NEDD1: variants seen among roughly 807,000 people sequenced by gnomAD.
NEDD1 encodes the protein NEDD1 gamma-tubulin ring complex targeting factor.
Under a neutral mutation model 74.0 loss-of-function variants are expected in NEDD1, and 33 were observed. The ratio of observed to expected loss-of-function variants is 0.45; its 90% confidence interval spans 0.34 to 0.60. The LOEUF (loss-of-function observed/expected upper bound fraction) is 0.60. Among genes scored for constraint, NEDD1 ranks in the 20% least tolerant of loss-of-function variants. The pLI is 0.01. For missense variants in NEDD1, 746 were observed against 776.5 expected, an observed-to-expected ratio of 0.96 and a Z score of 0.47; for synonymous variants, 250 against 264.4, an observed-to-expected ratio of 0.95 and a Z score of 0.53.
intron 6 of NEDD1, among the ~76,000 whole-genome samples, chr12:96,928,995 T>C (rs1460727068): frequency 1.3e-5 from 2 of 151,862 alleles, no homozygotes; most frequent in African/African-American, 4.8e-5. Flanking sequence ...CGGCCCATAG[T>C]GTGTTTCTTA....
At chr12:96,913,114 C>T (rs146696807) in intron 4 of NEDD1, among the ~76,000 whole-genome samples, 4 of 152,172 alleles carry the variant, frequency 2.6e-5, no homozygotes, top group Non-Finnish European at 4.4e-5. Context: ...TATTTTAGGA[C>T]GATATCCCAC....
intron 3 of NEDD1, among the ~76,000 whole-genome samples, chr12:96,911,157 A>C (rs1194923526): frequency 6.6e-6 from 1 of 152,194 alleles, no homozygotes; most frequent in Non-Finnish European, 1.5e-5. Context: ...GAGAGCGACA[A>C]GTATATGAAG....
At chr12:96,940,566 T>C (rs1877569616) in intron 10 of NEDD1, 29 bp downstream of exon 10, 1 of 1,514,506 alleles carries the variant, frequency 6.6e-7, no homozygotes, top group Non-Finnish European at 9.0e-7. Context: ...TCCTGTTCTC[T>C]TGCTGGTAGT....
intron 4 of NEDD1, among the ~76,000 whole-genome samples, chr12:96,915,110 A>G (rs978667623): frequency 6.6e-6 from 1 of 152,368 alleles, no homozygotes; most frequent in African/African-American, 2.4e-5. Flanking sequence ...TGGTATCTGC[A>G]GGAGAATTAC....
intron 7 of NEDD1, among the ~76,000 whole-genome samples, chr12:96,935,431 C>A (rs922021234): frequency 1.3e-5 from 2 of 152,086 alleles, no homozygotes; most frequent in Non-Finnish European, 2.9e-5. Context: ...GAGATGACAT[C>A]TTAATGATTT....
chr12:96,917,388 A>C (rs1414384764), intron 4 of NEDD1, among the ~76,000 whole-genome samples: 1 of 152,208 alleles, frequency 6.6e-6, no homozygotes, highest in African/African-American at 2.4e-5. Flanking sequence ...GGTCCACAGA[A>C]GTGAATGCAA....
intron 4 of NEDD1, among the ~76,000 whole-genome samples, chr12:96,915,743 CT>C (rs2136518860): frequency 6.6e-6 from 1 of 152,304 alleles, no homozygotes; most frequent in South Asian, 2.1e-4. Flanking sequence ...AAGATACTCA[CT>C]GAGAAGAACT....
intron 6 of NEDD1, among the ~76,000 whole-genome samples, chr12:96,925,662 T>G (rs1053397701): frequency 4.6e-5 from 7 of 152,226 alleles, no homozygotes; most frequent in Admixed American, 3.3e-4. Context: ...CTCACACCAG[T>G]ATCTTTTAAA....
At chr12:96,916,597 A>G (rs2136521530) in intron 4 of NEDD1, among the ~76,000 whole-genome samples, 2 of 147,208 alleles carry the variant, frequency 1.4e-5, no homozygotes, top group East Asian at 4.0e-4. Flanking sequence ...ATCATTTTTT[A>G]TGGCTGCATA....
chr12:96,912,746 T>C lies in NEDD1; in HGVS notation c.160T>C (p.Ser54Pro). Residue 54 changes from serine (S) to proline (P), a missense_variant, in exon 4 of 16, where the codon TCC (serine) becomes CCC (proline). By Grantham distance (74) the Ser-to-Pro change is moderately conservative. Coordinates refer to ENST00000266742, the MANE Select transcript of NEDD1 (RefSeq NM_152905.4). ...SNNNFLVTAS[S>P]SGDKIVVSSC... Reference sequence around the variant, plus strand: ...AGATAACTTTTTAGTAACAGCATCTTCCAGTGGCGACAAAATAGTTGTCTC... The same window carrying C: ...AGATAACTTTTTAGTAACAGCATCTCCCAGTGGCGACAAAATAGTTGTCTC... 1 of 1,603,028 alleles carries C rather than the reference T, an allele frequency of 6.2e-7. No individual in the cohort carries two copies. Among genetic ancestry groups the C allele is most frequent in the Non-Finnish European group, 8.5e-7 (1 of 1,170,296 alleles).
chr12:96,912,874 A>G, intron 4 of NEDD1, 57 bp downstream of exon 4: 1 of 847,408 alleles, frequency 1.2e-6, no homozygotes, highest in Non-Finnish European at 2.0e-6. Context: ...CTTGACTGGC[A>G]ATTGCTTATT....
chr12:96,947,601 T>G (rs1878317615), intron 14 of NEDD1, among the ~76,000 whole-genome samples: 1 of 152,228 alleles, frequency 6.6e-6, no homozygotes, highest in Non-Finnish European at 1.5e-5. Context: ...AGTTCACCAC[T>G]GGCTTCAGAT....
intron 14 of NEDD1, among the ~76,000 whole-genome samples, chr12:96,948,638 C>T (rs1327909197): frequency 2.0e-5 from 3 of 152,278 alleles, no homozygotes; most frequent in Non-Finnish European, 4.4e-5. Context: ...GAAATCTGTG[C>T]ATCTGTTTCT....
At chr12:96,915,501 A>G (rs2136517949) in intron 4 of NEDD1, among the ~76,000 whole-genome samples, 1 of 152,366 alleles carries the variant, frequency 6.6e-6, no homozygotes, top group Admixed American at 6.5e-5. Flanking sequence ...TCTCAAATGC[A>G]GAAGCATAGG....
Position 96,937,321 on chromosome 12 carries a change from A to G in NEDD1, c.1045A>G (p.Ile349Val), listed in dbSNP as rs912331948. 8.1e-6 allele frequency: 13 copies of G among 1,612,672 alleles called. No individual in the cohort carries two copies. The highest frequency in any genetic ancestry group is 1.1e-5 in the Non-Finnish European group (13 of 1,179,106). Residue 349 changes from isoleucine (I) to valine (V), a missense_variant, in exon 9 of 16, where the codon ATT becomes GTT. Around this residue, in one of 3 missense-constraint regions of NEDD1, gnomAD observed 706 missense variants for 706.7 expected, o/e 1.00. Coordinates refer to ENST00000266742, the MANE Select transcript of NEDD1 (RefSeq NM_152905.4). ...TGTCAGAGAAGCACCTGCCACGTCC[A>G]TTGCCACAGTTCTACCACAACCTAT... ...GIVREAPATS[I>V]ATVLPQPMTS... is the part of the protein sequence containing the mutation.
At chr12:96,920,328 A>G (rs1343915796) in intron 6 of NEDD1, among the ~76,000 whole-genome samples, 1 of 152,038 alleles carries the variant, frequency 6.6e-6, no homozygotes. Flanking sequence ...GTAATCAAAT[A>G]GTCACATCCT....
chr12:96,948,936 G>C (rs1234888564), intron 14 of NEDD1, among the ~76,000 whole-genome samples: 2 of 152,098 alleles, frequency 1.3e-5, no homozygotes, highest in Non-Finnish European at 2.9e-5. Context: ...TCTAACCCAG[G>C]GGGAGCATTG....
chr12:96,922,489 A>G (rs1262984804), intron 6 of NEDD1, among the ~76,000 whole-genome samples: 1 of 152,208 alleles, frequency 6.6e-6, no homozygotes, highest in East Asian at 1.9e-4. Flanking sequence ...AGATACTACT[A>G]TGTATATTCT....
At position 96,937,389 on chromosome 12, in the gene NEDD1, A is replaced by G. The variant is rs1380169854; in HGVS notation, c.1113A>G (p.Lys371=). 6.3e-7 allele frequency: 1 copy of G among 1,575,504 alleles called. No homozygotes were observed. The highest frequency in any genetic ancestry group is 1.2e-5 in the South Asian group (1 of 85,384). ...MGKGTVAVQE[K]AGLPRSINTD... is the part of the protein sequence containing the mutation. ...AAGGAACAGTTGCTGTTCAAGAAAA[A>G]GCAGGTAAATGTTGCTTATATATTG... is the stretch of plus-strand genomic sequence containing the variant. The change falls in exon 9 of 16, where the codon AAA becomes AAG. Residue 371 remains lysine (K), a synonymous_variant. Coordinates refer to ENST00000266742, the MANE Select transcript of NEDD1 (RefSeq NM_152905.4).
Sources: gnomAD v4.1 joint callset for allele counts (sites outside exome capture counted in the v4.1 genomes callset) on GRCh38, gnomAD v4.1.1 for gene constraint, gnomAD v4.1.1 regional missense constraint, MANE v1.5 for transcripts, NCBI Gene and HGNC (gene_info 2026-07-23, HGNC 2026-07-21) for gene names.